The following ZNF385D variants were observed in gnomAD, a reference collection of about 807,000 sequenced individuals.
ZNF385D encodes the protein zinc finger protein 385D, also known as zinc finger protein 659.
A neutral mutation model predicts 35.8 loss-of-function variants in ZNF385D; 15 were observed. That is an observed-to-expected ratio of 0.42 (90% CI 0.28 to 0.64). ZNF385D has a LOEUF of 0.64. Ranked by LOEUF, ZNF385D falls within the 30% of genes least tolerant of loss-of-function variation. The pLI, the probability that ZNF385D is intolerant of heterozygous loss-of-function variation, is 0.23. For missense variants in ZNF385D, 474 were observed against 494.6 expected (o/e 0.96, Z 0.39); for synonymous variants, 212 against 186.8 (o/e 1.13, Z -1.10).
chr3:21,492,698 T>C (rs1338600957), intron 4 of ZNF385D, among the ~76,000 whole-genome samples: 1 of 151,412 alleles, frequency 6.6e-6, no homozygotes, highest in Non-Finnish European at 1.5e-5. Flanking sequence ...GCGGGAGAAT[T>C]GATTGAACCT....
chr3:21,974,009 T>C (rs932727894), intron 3 of ZNF385D, among the ~76,000 whole-genome samples: 2 of 152,032 alleles, frequency 1.3e-5, no homozygotes, highest in Admixed American at 1.3e-4. Flanking sequence ...AAGCAATCTA[T>C]ATATTCAATA....
At chr3:22,214,215 T>A (rs1175018202) in intron 2 of ZNF385D, among the ~76,000 whole-genome samples, 1 of 152,140 alleles carries the variant, frequency 6.6e-6, no homozygotes, top group Non-Finnish European at 1.5e-5. Flanking sequence ...TTGTGAAGAT[T>A]TCATGGACAC....
At chr3:21,717,994 A>T (rs992188039) in intron 1 of ZNF385D, among the ~76,000 whole-genome samples, 6 of 152,210 alleles carry the variant, frequency 3.9e-5, no homozygotes, top group African/African-American at 1.4e-4. Flanking sequence ...GTTGCATCTC[A>T]AAGTTTCAAA....
intron 1 of ZNF385D, among the ~76,000 whole-genome samples, chr3:21,722,999 G>A (rs755520644): frequency 1.3e-5 from 2 of 152,136 alleles, no homozygotes; most frequent in Non-Finnish European, 2.9e-5. Flanking sequence ...ACCCAGCCAT[G>A]TGCTTCCTTC....
chr3:22,058,732 A>T (rs1457739324), intron 3 of ZNF385D, among the ~76,000 whole-genome samples: 2 of 152,246 alleles, frequency 1.3e-5, no homozygotes. Flanking sequence ...TTGCAAATCT[A>T]TACCATTTCA....
intron 3 of ZNF385D, among the ~76,000 whole-genome samples, chr3:21,802,825 G>A (rs762861158): frequency 6.6e-5 from 10 of 152,170 alleles, no homozygotes; most frequent in Admixed American, 1.3e-4. Flanking sequence ...ATAACAAAGT[G>A]TTTGTGAAAT....
At chr3:21,803,108 AG>A (rs1195616350) in intron 3 of ZNF385D, among the ~76,000 whole-genome samples, 1 of 152,144 alleles carries the variant, frequency 6.6e-6, no homozygotes, top group Non-Finnish European at 1.5e-5. Flanking sequence ...CCTGACACCC[AG>A]GGGTTTGGGA....
chr3:21,694,715 G>A (rs1269656087), intron 1 of ZNF385D, among the ~76,000 whole-genome samples: 1 of 152,178 alleles, frequency 6.6e-6, no homozygotes, highest in Non-Finnish European at 1.5e-5. Flanking sequence ...ATGTGACAGT[G>A]ATTAAGCATA....
chr3:21,732,030 G>GTT lies in ZNF385D; in HGVS notation c.22+18863_22+18864dup, dbSNP rs1214143626. On this transcript the variant is annotated intron_variant, in intron 1 of 7. Coordinates refer to ENST00000281523, the MANE Select transcript of ZNF385D (RefSeq NM_024697.3). Reference sequence around the variant, plus strand: ...TTCAGGGTTTTTTTCTTTTTTCGGGGTTTTTTTTTTTTTTTTTTTTTTTTT... The same window carrying GTT: ...TTCAGGGTTTTTTTCTTTTTTCGGGGTTTTTTTTTTTTTTTTTTTTTTTTTTT... Among the ~76,000 whole-genome samples the GTT allele has an allele frequency of 2.0e-3, 73 of 37,396 alleles. 7 individuals are homozygous for GTT. The highest frequency in any genetic ancestry group is 3.3e-3 in the Non-Finnish European group (60 of 17,926). 24.5% of individuals were successfully genotyped at this position (37,396 alleles called of 152,430 possible).
intron 2 of ZNF385D, among the ~76,000 whole-genome samples, chr3:21,572,627 G>A (rs903237472): frequency 6.6e-6 from 1 of 152,122 alleles, no homozygotes; most frequent in Non-Finnish European, 1.5e-5. Flanking sequence ...TCTGTTAAGA[G>A]TGTTTCAGGT....
intron 4 of ZNF385D, among the ~76,000 whole-genome samples, chr3:21,500,871 G>C (rs1296423579): frequency 6.6e-6 from 1 of 152,174 alleles, no homozygotes; most frequent in Non-Finnish European, 1.5e-5. Flanking sequence ...CTTAGAGCCT[G>C]GTGGCAATCT....
At chr3:21,989,863 G>A (rs754657838) in intron 3 of ZNF385D, among the ~76,000 whole-genome samples, 4 of 152,162 alleles carry the variant, frequency 2.6e-5, no homozygotes, top group Non-Finnish European at 4.4e-5. Context: ...GATGGTATAT[G>A]TCAAGCCGTT....
At chr3:21,996,880 C>T (rs890171588) in intron 3 of ZNF385D, among the ~76,000 whole-genome samples, 6 of 152,136 alleles carry the variant, frequency 3.9e-5, no homozygotes, top group East Asian at 1.9e-4. Context: ...CTTCTCTGCC[C>T]GAGTGATTAA....
intron 3 of ZNF385D, among the ~76,000 whole-genome samples, chr3:22,011,864 G>C (rs1696593823): frequency 6.6e-6 from 1 of 152,040 alleles, no homozygotes; most frequent in African/African-American, 2.4e-5. Flanking sequence ...CTGTAATCAT[G>C]CTACTATTCT....
chr3:22,019,343 A>C (rs1697088996), intron 3 of ZNF385D, among the ~76,000 whole-genome samples: 1 of 151,890 alleles, frequency 6.6e-6, no homozygotes, highest in Non-Finnish European at 1.5e-5. Flanking sequence ...AGATGTGGGA[A>C]ATTTCACTGT....
chr3:22,105,515 C>G (rs6773844), intron 3 of ZNF385D, among the ~76,000 whole-genome samples: 24,507 of 152,010 alleles, frequency 0.16, 2,489 homozygotes, highest in African/African-American at 0.29. Context: ...GTCCCACAGT[C>G]TGCTGTCTGC....
chr3:21,903,419 C>A (rs1401566250), intron 3 of ZNF385D, among the ~76,000 whole-genome samples: 1 of 152,160 alleles, frequency 6.6e-6, no homozygotes, highest in Admixed American at 6.6e-5. Context: ...CACCTGTACT[C>A]TATTTTTAAA....
intron 3 of ZNF385D, among the ~76,000 whole-genome samples, chr3:22,164,648 T>G (rs1232926226): frequency 1.3e-5 from 2 of 151,838 alleles, no homozygotes; most frequent in East Asian, 3.9e-4. Context: ...ATAGTTTTTC[T>G]TCCTGGAAAA....
intron 3 of ZNF385D, among the ~76,000 whole-genome samples, chr3:21,956,784 A>G (rs192176714): frequency 2.6e-5 from 4 of 151,880 alleles, no homozygotes; most frequent in African/African-American, 7.2e-5. Flanking sequence ...GCAGGGGCCA[A>G]TCTAAGACCT....
Sources: gnomAD v4.1 joint callset for allele counts (sites outside exome capture counted in the v4.1 genomes callset) on GRCh38, gnomAD v4.1.1 for gene constraint, MANE v1.5 for transcripts, NCBI Gene and HGNC (gene_info 2026-07-23, HGNC 2026-07-21) for gene names.